Variants in CACNA2D2 observed in about 807,000 individuals in gnomAD.
The protein encoded by CACNA2D2 is voltage-dependent calcium channel subunit alpha-2/delta-2.
A neutral mutation model predicts 166.4 loss-of-function variants in CACNA2D2; 48 were observed. The observed-to-expected ratio is 0.29, with a 90% CI of 0.23 to 0.37. The LOEUF (loss-of-function observed/expected upper bound fraction) is 0.37. Ranked by LOEUF, CACNA2D2 falls within the 10% of genes least tolerant of loss-of-function variation. The pLI is 1.00. For synonymous variants in CACNA2D2, 561 were observed against 573.7 expected, an observed-to-expected ratio of 0.98 and a Z score of 0.32; for missense variants, 1,122 against 1,433.0, an observed-to-expected ratio of 0.78 and a Z score of 3.50.
intron 3 of CACNA2D2, chr3:50,415,843 T>C (rs925704323): frequency 1.3e-5 from 2 of 152,274 alleles, no homozygotes; most frequent in Non-Finnish European, 2.9e-5. Flanking sequence ...AAAGGAATGA[T>C]GAATGTCTAC....
Position 50,463,934 on chromosome 3 carries a change from G to A in CACNA2D2, c.288+12184C>T, listed in dbSNP as rs2236985. 2.4e-3 allele frequency among the ~76,000 whole-genome samples: 366 copies of A among 152,328 alleles called. 7 individuals are homozygous for A. In the East Asian group the frequency reaches 0.049, roughly 20 times the overall value. On this transcript the variant is annotated intron_variant, in intron 2 of 37. Coordinates refer to ENST00000424201, the MANE Select transcript of CACNA2D2 (RefSeq NM_006030.4). ...CAACACAGTTTGGATGAAGCCCAGCGCACCTGGCTCCTCAGAAGGGGAGAT... is the reference window on the plus strand; with the variant it reads ...CAACACAGTTTGGATGAAGCCCAGCACACCTGGCTCCTCAGAAGGGGAGAT...
At chr3:50,495,469 C>G (rs73835511) in intron 1 of CACNA2D2, among the ~76,000 whole-genome samples, 7 of 152,160 alleles carry the variant, frequency 4.6e-5, no homozygotes, top group African/African-American at 1.7e-4. Flanking sequence ...GGGGCCAGGG[C>G]CCATCACAGG....
rs1159130307 is a variant in CACNA2D2 at position 50,394,146 on chromosome 3, T to C, written c.428A>G (p.Asn143Ser). ...ALKRLADAAE[N>S]FQKAHRWQDN... ...CTGCCAGCGGTGTGCTTTCTGGAAG[T>C]TCTCTGCAGCATCAGCCAGTCTCTG... The change falls in exon 4 of 38, where the codon AAC becomes AGC. Residue 143 changes from asparagine to serine, a missense_variant. Asn to Ser is a conservative substitution (Grantham distance 46, BLOSUM62 1). This residue lies in a region of CACNA2D2 where 840 missense variants were observed against 1,166.8 expected (regional missense o/e 0.72). Coordinates refer to ENST00000424201, the MANE Select transcript of CACNA2D2 (RefSeq NM_006030.4). 1 of 1,614,028 alleles carries C rather than the reference T, an allele frequency of 6.2e-7. No individual in the cohort carries two copies. Among genetic ancestry groups the C allele is most frequent in the South Asian group, 1.1e-5 (1 of 91,078 alleles).
Position 50,409,632 on chromosome 3 carries a change from A to G in CACNA2D2, c.406-15464T>C, listed in dbSNP as rs1706898378. On this transcript the variant is annotated intron_variant, in intron 3 of 37. Transcript: ENST00000424201. ...TCATTTCTACACCATTTTGCAGATG[A>G]GGAAACTGAGTTCAGAGGTGGTTCC... is the stretch of plus-strand genomic sequence containing the variant. 2.0e-5 allele frequency among the ~76,000 whole-genome samples: 3 copies of G among 152,344 alleles called. No homozygotes were observed. In the South Asian group the frequency reaches 6.2e-4, roughly 32 times the overall value.
intron 3 of CACNA2D2, among the ~76,000 whole-genome samples, chr3:50,433,256 T>C (rs1237460223): frequency 2.6e-5 from 4 of 152,236 alleles, no homozygotes; most frequent in Admixed American, 6.5e-5. Flanking sequence ...TCACACAATA[T>C]GTGGTCTTTT....
At chr3:50,384,520 C>T (rs587679822) in intron 5 of CACNA2D2, among the ~76,000 whole-genome samples, 183 bp from the exon 6 acceptor site, 5 of 152,294 alleles carry the variant, frequency 3.3e-5, no homozygotes, top group African/African-American at 1.2e-4. Context: ...GGGGTTGGAC[C>T]CCTCACCCAA....
chr3:50,381,260 T>G lies in CACNA2D2; in HGVS notation c.653-134A>C, dbSNP rs191370724. ...TCGGCCTATCCAGGCCCTCCCTATT[T>G]CCTAGGGCCCAGCTGGGGCTGCCCC... On this transcript the variant is annotated intron_variant, in intron 6 of 37. Coordinates refer to ENST00000424201, the MANE Select transcript of CACNA2D2 (RefSeq NM_006030.4). 2.7e-3 allele frequency: 2,707 copies of G among 1,011,720 alleles called. 9 individuals carry two copies. Among genetic ancestry groups the G allele is most frequent in the Non-Finnish European group, 3.2e-3 (2,142 of 677,366 alleles). The allele number at this position is 1,011,720 out of a possible 1,614,324, so 62.7% of individuals were successfully genotyped here. A position where few individuals can be genotyped will look rare whatever the true frequency, so the allele number is the denominator to read the frequency against.
At chr3:50,383,776 C>T (rs762440160) in intron 6 of CACNA2D2, among the ~76,000 whole-genome samples, 1 of 152,156 alleles carries the variant, frequency 6.6e-6, no homozygotes, top group Non-Finnish European at 1.5e-5. Context: ...CCCTACCCTC[C>T]GTGTCCACCT....
rs1699077884 is a variant in CACNA2D2, at chr3:50,503,525, TCTC to T, written c.-105_-103del. 6.0e-6 allele frequency: 1 copy of T among 167,224 alleles called. No homozygotes were observed. Among genetic ancestry groups the T allele is most frequent in the African/African-American group, 2.4e-5 (1 of 41,168 alleles). The allele number at this position is 167,224 out of a possible 1,614,324, so 10.4% of individuals were successfully genotyped here. On this transcript the variant is annotated 5_prime_UTR_variant, in exon 1 of 38. Coordinates refer to ENST00000424201, the MANE Select transcript of CACNA2D2 (RefSeq NM_006030.4). ...GCGGGCGGCGGGCGGTAACTCGGCC[TCTC>T]CTCCGCCGCCGCCTTCTCCGCGAGG...
intron 1 of CACNA2D2, among the ~76,000 whole-genome samples, chr3:50,485,444 T>A (rs577618986): frequency 6.6e-6 from 1 of 152,250 alleles, no homozygotes; most frequent in Admixed American, 6.5e-5. Context: ...AACCCTAATA[T>A]GTAACTGGTG....
At chr3:50,404,585 C>G (rs1203275606) in intron 3 of CACNA2D2, among the ~76,000 whole-genome samples, 1 of 152,168 alleles carries the variant, frequency 6.6e-6, no homozygotes, top group Non-Finnish European at 1.5e-5. Flanking sequence ...TTCTCAGATG[C>G]CTCTATGCCC....
intron 1 of CACNA2D2, among the ~76,000 whole-genome samples, chr3:50,494,345 G>A (rs1313572166): frequency 1.3e-5 from 2 of 152,216 alleles, no homozygotes; most frequent in South Asian, 2.1e-4. Flanking sequence ...CGTTTTAGGC[G>A]GGGCCAGCAG....
At chr3:50,415,888 AC>A (rs1707245089) in intron 3 of CACNA2D2, 3 of 152,406 alleles carry the variant, frequency 2.0e-5, no homozygotes, top group African/African-American at 7.2e-5. Flanking sequence ...GCTTTTGCAC[AC>A]ACCATCTCCT....
intron 1 of CACNA2D2, among the ~76,000 whole-genome samples, chr3:50,484,033 G>A (rs1698171179): frequency 6.6e-6 from 1 of 152,106 alleles, no homozygotes; most frequent in African/African-American, 2.4e-5. Flanking sequence ...TGGCTAAGGG[G>A]CCTCTCAAAC....
chr3:50,441,978 G>A (rs910754194), intron 2 of CACNA2D2, among the ~76,000 whole-genome samples: 2 of 152,220 alleles, frequency 1.3e-5, no homozygotes, highest in Admixed American at 6.5e-5. Context: ...TTCCAGCCCA[G>A]CTGTCAGGAA....
At position 50,379,925 on chromosome 3, in the gene CACNA2D2, C is replaced by T. The variant is rs2106663829; in HGVS notation, c.893+43G>A. 4 of 1,613,692 alleles carry T rather than the reference C, an allele frequency of 2.5e-6. No homozygotes were observed. The highest frequency in any genetic ancestry group is 1.3e-5 in the African/African-American group (1 of 75,038). ...CAGGGCAGCAGAGTCTAGCCCATTG[C>T]CCGTCCCTGCCCCAGCCCCACTTGC... On this transcript the variant is annotated intron_variant, in intron 9 of 37. Transcript: ENST00000424201. This position sits in a 1 kb window ranked among gnomAD's most constrained non-coding sequence, Gnocchi z 6.5.
chr3:50,365,079 C>A lies in CACNA2D2; in HGVS notation c.3204G>T (p.Thr1068=), dbSNP rs746041404. 69 of 1,610,284 alleles carry A rather than the reference C, an allele frequency of 4.3e-5. No individual in the cohort carries two copies. The highest frequency in any genetic ancestry group is 5.6e-5 in the Non-Finnish European group (66 of 1,178,852). ...GGGAGGGCGGGGGCAGGATACAGTG[C>A]GTCTCCTTCTGCAGCAGCCGGCCAG... ...CEAGRLLQKE[T]HSDGPEQCEL... Residue 1068 remains threonine (T), a synonymous_variant, in exon 36 of 38, where the codon ACG becomes ACT. Coordinates refer to ENST00000424201, the MANE Select transcript of CACNA2D2 (RefSeq NM_006030.4). The surrounding 1 kb of genome is among the most constrained non-coding windows in gnomAD (Gnocchi z 4.5).
At chr3:50,461,823 AG>A in intron 2 of CACNA2D2, among the ~76,000 whole-genome samples, 1 of 151,988 alleles carries the variant, frequency 6.6e-6, no homozygotes, top group Admixed American at 6.5e-5. Context: ...CACCAAAATG[AG>A]GGAGAAGTCT....
At position 50,396,895 on chromosome 3, in the gene CACNA2D2, G is replaced by A. The variant is rs559645550; in HGVS notation, c.406-2727C>T. Reference sequence around the variant, plus strand: ...GAGGAAGCAGAGGCGGTCTCTTGCCGCAGAAAAGCCACAGGGTCGATGGGG... The same window carrying A: ...GAGGAAGCAGAGGCGGTCTCTTGCCACAGAAAAGCCACAGGGTCGATGGGG... On this transcript the variant is annotated intron_variant, in intron 3 of 37. Transcript: ENST00000424201. Among the ~76,000 whole-genome samples, 9 of 152,298 alleles carry A rather than the reference G, an allele frequency of 5.9e-5. No homozygotes were observed. The South Asian group carries it at 6.2e-4, about 11-fold the overall frequency.
Sources: gnomAD v4.1 joint callset for allele counts (sites outside exome capture counted in the v4.1 genomes callset) on GRCh38, gnomAD v4.1.1 for gene constraint, gnomAD v4.1.1 regional missense constraint, Gnocchi (gnomAD v3.1) non-coding constraint, MANE v1.5 for transcripts, NCBI Gene and HGNC (gene_info 2026-07-23, HGNC 2026-07-21) for gene names.